The following EDN1 variants were observed in gnomAD, a reference collection of about 807,000 sequenced individuals.
The protein encoded by EDN1 is endothelin 1.
EDN1 carries 11 observed loss-of-function variants against 21.7 expected under a neutral mutation model. The observed-to-expected ratio is 0.51, with a 90% CI of 0.32 to 0.84. EDN1 has a LOEUF of 0.84. EDN1 is among the 40% of genes least tolerant of loss of function. The pLI is 0.03. For synonymous variants in EDN1, 85 were observed against 90.6 expected, an observed-to-expected ratio of 0.94 and a Z score of 0.35; for missense variants, 244 against 262.3, an observed-to-expected ratio of 0.93 and a Z score of 0.48.
chr6:12,237,517 T>C, the EDN1 span, among the ~76,000 whole-genome samples: 13 of 152,232 alleles, frequency 8.5e-5, no homozygotes, highest in South Asian at 2.7e-3. Flanking sequence ...TATTGCTGTG[T>C]TTTAGAATTT....
the EDN1 span, among the ~76,000 whole-genome samples, chr6:12,239,303 G>A: frequency 1.3e-5 from 2 of 152,174 alleles, no homozygotes; most frequent in Non-Finnish European, 2.9e-5. Flanking sequence ...TAATAGGATT[G>A]CTAATTATAC....
At chr6:12,262,371 C>G in the EDN1 span, among the ~76,000 whole-genome samples, 3 of 152,068 alleles carry the variant, frequency 2.0e-5, no homozygotes, top group Non-Finnish European at 2.9e-5. Flanking sequence ...GGGAGCCTTC[C>G]GGGACTGTGT....
At chr6:12,295,348 G>A (rs1452236249) in intron 4 of EDN1, among the ~76,000 whole-genome samples, 2 of 151,734 alleles carry the variant, frequency 1.3e-5, no homozygotes, top group African/African-American at 4.8e-5. Context: ...ATTTATGGTC[G>A]CAGGCCAGTA....
chr6:12,258,449 C>CAAAAAAAAAAAAA, the EDN1 span, among the ~76,000 whole-genome samples: 101 of 63,668 alleles, frequency 1.6e-3, 9 homozygotes, highest in African/African-American at 4.7e-3. Context: ...GATCATGTCT[C>CAAAAAAAAAAAAA]AAAAAAAAAA....
At chr6:12,288,376 G>A (rs3756864), upstream of EDN1, among the ~76,000 whole-genome samples, 3 of 152,312 alleles carry the variant, frequency 2.0e-5, no homozygotes, top group East Asian at 5.8e-4. Context: ...TCCCAAGGTC[G>A]GCTTTGGAGA....
chr6:12,236,927 T>C, the EDN1 span, among the ~76,000 whole-genome samples: 3 of 151,922 alleles, frequency 2.0e-5, no homozygotes, highest in Non-Finnish European at 2.9e-5. Context: ...CTGCACCCAT[T>C]AACTCATCAT....
At chr6:12,256,130 T>C in the EDN1 span, among the ~76,000 whole-genome samples, 1 of 152,168 alleles carries the variant, frequency 6.6e-6, no homozygotes, top group African/African-American at 2.4e-5. Context: ...AGGATCATTT[T>C]AGCTCAGGAG....
chr6:12,267,955 C>T, the EDN1 span, among the ~76,000 whole-genome samples: 1 of 152,154 alleles, frequency 6.6e-6, no homozygotes, highest in African/African-American at 2.4e-5. Context: ...TCTTCTTGTG[C>T]CACATAAATG....
chr6:12,289,210 T>C (rs532998047), upstream of EDN1, among the ~76,000 whole-genome samples: 1 of 152,318 alleles, frequency 6.6e-6, no homozygotes, highest in South Asian at 2.1e-4. Flanking sequence ...TGAAGTATTA[T>C]CTGATTCCTT....
At chr6:12,283,613 G>A in the EDN1 span, among the ~76,000 whole-genome samples, 1 of 152,174 alleles carries the variant, frequency 6.6e-6, no homozygotes, top group Non-Finnish European at 1.5e-5. Flanking sequence ...GCAAATTTTA[G>A]CATCTTCCTT....
chr6:12,290,547 G>A lies in EDN1; in HGVS notation c.-83G>A, dbSNP rs1299708178. ...CTTTGAGATCTGAGGAACCCGCAGC[G>A]CTTTGAGGGACCTGAAGCTGTTTTT... On this transcript the variant is annotated 5_prime_UTR_variant, in exon 1 of 5. Coordinates refer to ENST00000379375, the MANE Select transcript of EDN1 (RefSeq NM_001955.5). 2 of 1,162,710 alleles carry A rather than the reference G, an allele frequency of 1.7e-6. No homozygotes were observed. Among genetic ancestry groups the A allele is most frequent in the Non-Finnish European group, 2.6e-6 (2 of 774,510 alleles). The allele number at this position is 1,162,710 out of a possible 1,614,324, so 72.0% of individuals were successfully genotyped here.
At chr6:12,242,056 A>C in the EDN1 span, among the ~76,000 whole-genome samples, 2 of 152,242 alleles carry the variant, frequency 1.3e-5, no homozygotes, top group Non-Finnish European at 2.9e-5. Context: ...GAAGAGATTC[A>C]GCTTTGAAAG....
chr6:12,296,028 C>T lies in EDN1; in HGVS notation c.600C>T (p.Ser200=). 1 of 1,614,066 alleles carries T rather than the reference C, an allele frequency of 6.2e-7. No homozygotes were observed. ...FHDPKLKGKP[S]RERYVTHNRA... ...ATCCCAAGCTGAAAGGCAAGCCCTC[C>T]AGAGAGCGTTATGTGACCCACAACC... The change falls in exon 5 of 5, where the codon TCC becomes TCT. Residue 200 remains serine (S), a synonymous_variant. Transcript: ENST00000379375.
Position 12,296,166 on chromosome 6 carries a change from T to A in EDN1, c.*99T>A, listed in dbSNP as rs1160138017. On this transcript the variant is annotated 3_prime_UTR_variant, in exon 5 of 5. Transcript: ENST00000379375. ...GGCTGGGATCAGAGCAGGAGCATCC[T>A]CTGCTGGTTCCTGACTGGCAAAGGA... 9 of 1,073,216 alleles carry A rather than the reference T, an allele frequency of 8.4e-6. No homozygotes were observed. The highest frequency in any genetic ancestry group is 2.4e-5 in the East Asian group (1 of 41,728). The allele number at this position is 1,073,216 out of a possible 1,614,324, so 66.5% of individuals were successfully genotyped here. A position where few individuals can be genotyped will look rare whatever the true frequency, so the allele number is the denominator to read the frequency against.
the EDN1 span, among the ~76,000 whole-genome samples, chr6:12,256,465 T>C: frequency 6.6e-6 from 1 of 152,084 alleles, no homozygotes; most frequent in South Asian, 2.1e-4. Flanking sequence ...CCTGCCCACC[T>C]CTACCCTCCA....
At chr6:12,264,819 G>C in the EDN1 span, among the ~76,000 whole-genome samples, 2 of 152,168 alleles carry the variant, frequency 1.3e-5, 1 homozygote, top group East Asian at 3.8e-4. Flanking sequence ...GGCAGTAGGA[G>C]GAGATGAAGA....
At chr6:12,240,020 G>A in the EDN1 span, among the ~76,000 whole-genome samples, 1 of 152,184 alleles carries the variant, frequency 6.6e-6, no homozygotes, top group Non-Finnish European at 1.5e-5. Context: ...TAAAATAAAA[G>A]CAAAGGTATT....
chr6:12,275,012 TC>T, the EDN1 span, among the ~76,000 whole-genome samples: 12 of 134,374 alleles, frequency 8.9e-5, no homozygotes, highest in African/African-American at 2.9e-4. Context: ...CTCCCTTCCT[TC>T]CTTCCTTCTT....
intron 2 of EDN1, 118 bp downstream of exon 2, chr6:12,292,627 G>A (rs777957422): frequency 7.5e-6 from 9 of 1,201,214 alleles, no homozygotes; most frequent in African/African-American, 6.0e-5. Context: ...CACCATCCAA[G>A]TGCCTCAGTG....
Sources: gnomAD v4.1 joint callset for allele counts (sites outside exome capture counted in the v4.1 genomes callset) on GRCh38, gnomAD v4.1.1 for gene constraint, MANE v1.5 for transcripts, NCBI Gene and HGNC (gene_info 2026-07-23, HGNC 2026-07-21) for gene names.